Variants in DOCK1 observed in about 807,000 individuals in gnomAD.
The protein encoded by DOCK1 is dedicator of cytokinesis 1, also known as dedicator of cytokinesis protein 1.
Under a neutral mutation model 262.7 loss-of-function variants are expected in DOCK1, and 138 were observed. The ratio of observed to expected loss-of-function variants is 0.53; its 90% CI spans 0.46 to 0.61. The LOEUF is 0.61. Ranked by LOEUF, DOCK1 falls within the 20% of genes least tolerant of loss-of-function variation. The probability of loss-of-function intolerance (pLI) is 0.00; values close to 1 mark genes in which losing one functional copy is unlikely to be tolerated. For synonymous variants in DOCK1, 866 were observed against 867.4 expected, an observed-to-expected ratio of 1.00 and a Z score of 0.03; for missense variants, 1,908 against 2,370.7, an observed-to-expected ratio of 0.80 and a Z score of 4.05.
chr10:127,102,051 T>C (rs939357982), intron 23 of DOCK1, among the ~76,000 whole-genome samples: 5 of 152,148 alleles, frequency 3.3e-5, no homozygotes, highest in Admixed American at 2.0e-4. Context: ...ACGGTTGGGA[T>C]CTGGTGGGCC....
intron 29 of DOCK1, among the ~76,000 whole-genome samples, chr10:127,297,516 C>CA (rs143033781): frequency 0.12 from 17,948 of 151,964 alleles, 1,308 homozygotes; most frequent in African/African-American, 0.2. Flanking sequence ...AGAGGAGAAC[C>CA]AGGCAGGAGC....
At chr10:127,050,874 CTT>C (rs1421108003) in intron 21 of DOCK1, among the ~76,000 whole-genome samples, 1 of 152,014 alleles carries the variant, frequency 6.6e-6, no homozygotes, top group Non-Finnish European at 1.5e-5. Context: ...TTCCCTAAAA[CTT>C]TGAGTAGATC....
intron 21 of DOCK1, among the ~76,000 whole-genome samples, chr10:127,049,149 C>T (rs995767878): frequency 2.6e-5 from 4 of 152,040 alleles, no homozygotes; most frequent in African/African-American, 4.8e-5. Flanking sequence ...TGTATATATA[C>T]ACATAATTGA....
Position 127,286,209 on chromosome 10 carries a change from C to G in DOCK1, c.3044+28780C>G, listed in dbSNP as rs932495494. The stretch of plus-strand genomic sequence containing the variant: ...TTTTCTGCTTGAGAAACACCTGGGT[C>G]TGCTTGTTTTTGAATTCTCTTTTTG... On this transcript the variant is annotated intron_variant, in intron 29 of 51. Coordinates refer to ENST00000623213, the MANE Select transcript of DOCK1 (RefSeq NM_001290223.2). Among the ~76,000 whole-genome samples the G allele has an allele frequency of 2.6e-5, 4 of 151,754 alleles. No individual in the cohort carries two copies. The East Asian group carries it at 7.8e-4, about 29-fold the overall frequency.
chr10:127,143,610 A>T (rs951079), intron 27 of DOCK1, among the ~76,000 whole-genome samples: 1 of 152,044 alleles, frequency 6.6e-6, no homozygotes, highest in Non-Finnish European at 1.5e-5. Flanking sequence ...TCCCCAAAGC[A>T]CAACAATTTA....
At chr10:127,196,595 C>T (rs2057174526) in intron 27 of DOCK1, among the ~76,000 whole-genome samples, 1 of 146,046 alleles carries the variant, frequency 6.8e-6, no homozygotes, top group Admixed American at 6.8e-5. Flanking sequence ...GAGCCCCGGG[C>T]CCCGCGGGGC....
chr10:127,317,138 T>C (rs1254827993), intron 29 of DOCK1, among the ~76,000 whole-genome samples: 2 of 152,222 alleles, frequency 1.3e-5, no homozygotes, highest in Admixed American at 6.5e-5. Context: ...GACATTTCAG[T>C]AATAACTCTG....
At chr10:127,261,798 C>G (rs2060145428) in intron 29 of DOCK1, among the ~76,000 whole-genome samples, 1 of 88,672 alleles carries the variant, frequency 1.1e-5, no homozygotes, top group African/African-American at 4.7e-5. Flanking sequence ...CATGTGTGTG[C>G]ATGTGGGTGT....
intron 33 of DOCK1, among the ~76,000 whole-genome samples, chr10:127,367,992 C>T (rs2065017826): frequency 6.6e-6 from 1 of 152,210 alleles, no homozygotes; most frequent in African/African-American, 2.4e-5. Context: ...CAGCCACCCC[C>T]TCCATCACTG....
chr10:127,348,776 T>G (rs1313853629), intron 31 of DOCK1, among the ~76,000 whole-genome samples: 1 of 152,220 alleles, frequency 6.6e-6, no homozygotes, highest in African/African-American at 2.4e-5. Context: ...TCCAGAAGAT[T>G]ATGTCAAACT....
In DOCK1 at chr10:126,996,582, T is replaced by C. The variant is rs998331741; in HGVS notation, c.474-166T>C. ...TTACTTCTCCCAAGATGACACATTT[T>C]AAGCTAAAGAAAGCAGCCTCCAAGA... On this transcript the variant is annotated intron_variant, in intron 6 of 51. Coordinates refer to ENST00000623213, the MANE Select transcript of DOCK1 (RefSeq NM_001290223.2). Among the ~76,000 whole-genome samples, 5 of 149,884 alleles carry C rather than the reference T, an allele frequency of 3.3e-5. No individual in the cohort carries two copies. The East Asian group carries it at 9.9e-4, about 30-fold the overall frequency.
chr10:127,341,924 A>G (rs181411712), intron 30 of DOCK1, among the ~76,000 whole-genome samples: 80 of 152,338 alleles, frequency 5.3e-4, no homozygotes, highest in Non-Finnish European at 8.8e-4. Flanking sequence ...GCATGTACCC[A>G]GCACAGATCT....
chr10:127,036,115 C>T (rs2043596565), intron 18 of DOCK1, among the ~76,000 whole-genome samples: 2 of 152,210 alleles, frequency 1.3e-5, no homozygotes, highest in African/African-American at 2.4e-5. Context: ...TTGGACTAGG[C>T]ATTCTGCTAA....
At chr10:127,153,814 CATA>C (rs1355422220) in intron 27 of DOCK1, 23 of 1,474,254 alleles carry the variant, frequency 1.6e-5, no homozygotes, top group Non-Finnish European at 2.0e-5. Context: ...ATTTGTCACT[CATA>C]ATAAGAAAGT....
intron 48 of DOCK1, among the ~76,000 whole-genome samples, chr10:127,434,039 A>G (rs906065245): frequency 3.3e-5 from 5 of 152,106 alleles, no homozygotes; most frequent in Admixed American, 6.5e-5. Flanking sequence ...GTGCCCGGAC[A>G]GGAGCTGGTG....
At chr10:127,247,451 G>A (rs1057228187) in intron 27 of DOCK1, among the ~76,000 whole-genome samples, 4 of 152,082 alleles carry the variant, frequency 2.6e-5, no homozygotes, top group Non-Finnish European at 5.9e-5. Flanking sequence ...GAAATTAGAG[G>A]CCTTTCTTTG....
At chr10:127,052,919 T>G in intron 22 of DOCK1, 104 bp downstream of exon 22, 1 of 1,454,526 alleles carries the variant, frequency 6.9e-7, no homozygotes, top group Non-Finnish European at 9.2e-7. Flanking sequence ...TCCTTTCTTC[T>G]TCCCCCTTTT....
chr10:127,419,695 G>A lies in DOCK1; in HGVS notation c.4722G>A (p.Glu1574=). ...TCTTTACAGACCGGTACCTGCAGGAGCACCCTGAGGCCCATGAAAAGATCG... is the reference window on the plus strand; with the variant it reads ...TCTTTACAGACCGGTACCTGCAGGAACACCCTGAGGCCCATGAAAAGATCG... ...KAFFTDRYLQ[E]HPEAHEKIEK... Residue 1574 remains glutamate, a synonymous_variant, in exon 46 of 52, where the codon GAG becomes GAA. Coordinates refer to ENST00000623213, the MANE Select transcript of DOCK1 (RefSeq NM_001290223.2). The A allele has an allele frequency of 6.2e-7, 1 of 1,605,922 alleles. No homozygotes were observed. The highest frequency in any genetic ancestry group is 8.5e-7 in the Non-Finnish European group (1 of 1,176,056).
intron 1 of DOCK1, among the ~76,000 whole-genome samples, chr10:126,936,287 T>C (rs1443469664): frequency 6.6e-6 from 1 of 152,218 alleles, no homozygotes; most frequent in East Asian, 1.9e-4. Flanking sequence ...TGCTTGGCTG[T>C]AGACTTTTTG....
Sources: gnomAD v4.1 joint callset for allele counts (sites outside exome capture counted in the v4.1 genomes callset) on GRCh38, gnomAD v4.1.1 for gene constraint, MANE v1.5 for transcripts, NCBI Gene and HGNC (gene_info 2026-07-23, HGNC 2026-07-21) for gene names.